The following DPYD variants were observed in gnomAD, a reference collection of about 807,000 sequenced individuals.
The protein encoded by DPYD is dihydropyrimidine dehydrogenase.
A neutral mutation model predicts 116.2 loss-of-function variants in DPYD; 109 were observed. The ratio of observed to expected loss-of-function variants is 0.94; its 90% confidence interval spans 0.80 to 1.10. The LOEUF is 1.10. DPYD is among the 50% of genes least tolerant of loss of function. DPYD has a pLI of 0.00. For synonymous variants in DPYD, 440 were observed against 432.0 expected (o/e 1.02, Z -0.23); for missense variants, 1,302 against 1,254.5 (o/e 1.04, Z -0.57).
At chr1:97,360,567 C>A (rs1670668053) in intron 16 of DPYD, among the ~76,000 whole-genome samples, 1 of 152,194 alleles carries the variant, frequency 6.6e-6, no homozygotes, top group Admixed American at 6.5e-5. Flanking sequence ...AAGCACTCCT[C>A]AGCAAATGGA....
intron 8 of DPYD, among the ~76,000 whole-genome samples, chr1:97,595,598 G>T (rs1045827407): frequency 2.1e-4 from 31 of 150,738 alleles, no homozygotes; most frequent in Non-Finnish European, 3.6e-4. Flanking sequence ...TTTAATGAAA[G>T]AAAAAAATTA....
At chr1:97,533,416 C>T (rs1649781096) in intron 12 of DPYD, among the ~76,000 whole-genome samples, 1 of 152,102 alleles carries the variant, frequency 6.6e-6, no homozygotes, top group African/African-American at 2.4e-5. Flanking sequence ...TAATAAATAA[C>T]ATGTTGACAA....
At chr1:97,543,547 TG>T (rs1269372387) in intron 12 of DPYD, among the ~76,000 whole-genome samples, 3 of 152,220 alleles carry the variant, frequency 2.0e-5, no homozygotes, top group Non-Finnish European at 4.4e-5. Context: ...AGCTATTCAA[TG>T]TTACCTTTTC....
At chr1:97,572,929 T>C (rs1042439696) in intron 11 of DPYD, among the ~76,000 whole-genome samples, 6 of 152,026 alleles carry the variant, frequency 3.9e-5, no homozygotes, top group Non-Finnish European at 7.4e-5. Context: ...TAGGAAGTCA[T>C]AGGAATCATC....
rs566552436 is a variant in DPYD at position 97,411,749 on chromosome 1, G to A, written c.1906-29288C>T. 7.2e-5 allele frequency among the ~76,000 whole-genome samples: 11 copies of A among 152,264 alleles called. No homozygotes were observed. In the South Asian group the frequency reaches 1.7e-3, roughly 23 times the overall value. Reference sequence around the variant, plus strand: ...CAGTTCAAAATGTTTCTTCTCAGAAGCATGACAAAGTGATTTAGAGTAGAA... The same window carrying A: ...CAGTTCAAAATGTTTCTTCTCAGAAACATGACAAAGTGATTTAGAGTAGAA... On this transcript the variant is annotated intron_variant, in intron 14 of 22. Coordinates refer to ENST00000370192, the MANE Select transcript of DPYD (RefSeq NM_000110.4).
intron 14 of DPYD, among the ~76,000 whole-genome samples, chr1:97,448,875 T>A (rs187590872): frequency 3.9e-5 from 6 of 152,208 alleles, no homozygotes; most frequent in Non-Finnish European, 7.4e-5. Flanking sequence ...CCTATGTGCA[T>A]GTATTTTATT....
intron 12 of DPYD, among the ~76,000 whole-genome samples, chr1:97,538,427 T>C (rs1650181544): frequency 6.6e-6 from 1 of 152,170 alleles, no homozygotes; most frequent in South Asian, 2.1e-4. Context: ...AGATTTGAAC[T>C]AGTGACCAAG....
rs185855841 is a variant in DPYD, at chr1:97,815,583, C to T, written c.233+12531G>A. On this transcript the variant is annotated intron_variant, in intron 3 of 22. Coordinates refer to ENST00000370192, the MANE Select transcript of DPYD (RefSeq NM_000110.4). ...CAGATTTGGCAACACAGAGCACTCT[C>T]ACTGAACAGACAGCAAGAGATGTCC... is the stretch of plus-strand genomic sequence containing the variant. Among the ~76,000 whole-genome samples, 494 of 152,284 alleles carry T rather than the reference C, an allele frequency of 3.2e-3. 3 individuals carry two copies. The highest frequency in any genetic ancestry group is 5.0e-3 in the Non-Finnish European group (338 of 68,016).
chr1:97,264,687 C>T (rs1197349354), intron 18 of DPYD, among the ~76,000 whole-genome samples: 1 of 152,070 alleles, frequency 6.6e-6, no homozygotes, highest in Non-Finnish European at 1.5e-5. Flanking sequence ...TTCACAATTA[C>T]CATATTTTAT....
rs180718823 is a variant in DPYD, at chr1:97,275,723, C to A, written c.2299+29536G>T. Among the ~76,000 whole-genome samples the A allele has an allele frequency of 2.6e-5, 4 of 152,216 alleles. No individual in the cohort carries two copies. The East Asian group carries it at 7.7e-4, about 29-fold the overall frequency. On this transcript the variant is annotated intron_variant, in intron 18 of 22. Coordinates refer to ENST00000370192, the MANE Select transcript of DPYD (RefSeq NM_000110.4). ...TAATAGTTTGCCAATTATTTATAAG[C>A]CTAAAACCTTGAAGATTAATTTATC... is the stretch of plus-strand genomic sequence containing the variant.
intron 3 of DPYD, among the ~76,000 whole-genome samples, chr1:97,762,719 CTT>C (rs531214598): frequency 5.3e-5 from 8 of 152,080 alleles, no homozygotes; most frequent in Middle Eastern, 3.4e-3. Context: ...ATATAATTGT[CTT>C]TTTTTCCCAA....
intron 19 of DPYD, among the ~76,000 whole-genome samples, chr1:97,226,836 C>T (rs1273374237): frequency 6.6e-6 from 1 of 152,056 alleles, no homozygotes; most frequent in Non-Finnish European, 1.5e-5. Context: ...TCCCTACAAA[C>T]ATTCCACTGG....
intron 13 of DPYD, among the ~76,000 whole-genome samples, chr1:97,483,015 T>A (rs1159771033): frequency 6.6e-6 from 1 of 152,218 alleles, no homozygotes; most frequent in Non-Finnish European, 1.5e-5. Context: ...CCAACTTAAA[T>A]GTTCTTTCAT....
intron 2 of DPYD, among the ~76,000 whole-genome samples, chr1:97,865,761 G>T (rs1336412689): frequency 1.3e-5 from 2 of 151,838 alleles, no homozygotes; most frequent in African/African-American, 4.8e-5. Context: ...AATTCTGATC[G>T]AACCATGCCC....
At chr1:97,862,361 G>A (rs1354060017) in intron 2 of DPYD, among the ~76,000 whole-genome samples, 1 of 151,630 alleles carries the variant, frequency 6.6e-6, no homozygotes, top group Non-Finnish European at 1.5e-5. Context: ...ACACTAAGGA[G>A]AAACAAGCCA....
chr1:97,287,650 A>C (rs1450118287), intron 18 of DPYD, among the ~76,000 whole-genome samples: 3 of 152,232 alleles, frequency 2.0e-5, no homozygotes, highest in East Asian at 3.9e-4. Context: ...CCCCTCCCCC[A>C]GCCTCGCTGC....
At chr1:97,869,172 C>A (rs1671540519) in intron 2 of DPYD, among the ~76,000 whole-genome samples, 1 of 151,742 alleles carries the variant, frequency 6.6e-6, no homozygotes, top group Non-Finnish European at 1.5e-5. Flanking sequence ...AGGAGAGAAT[C>A]TGATTTCCCC....
chr1:97,655,026 T>G (rs965369460), intron 8 of DPYD, among the ~76,000 whole-genome samples: 2 of 152,132 alleles, frequency 1.3e-5, no homozygotes, highest in African/African-American at 4.8e-5. Context: ...ATGATTCAAT[T>G]ATCTCCCACC....
chr1:97,472,972 T>C (rs1441867272), intron 13 of DPYD, among the ~76,000 whole-genome samples: 1 of 152,204 alleles, frequency 6.6e-6, no homozygotes, highest in Non-Finnish European at 1.5e-5. Context: ...CTTTGTTTTT[T>C]TGTGGTGAGA....
Sources: gnomAD v4.1 joint callset for allele counts (sites outside exome capture counted in the v4.1 genomes callset) on GRCh38, gnomAD v4.1.1 for gene constraint, MANE v1.5 for transcripts, NCBI Gene and HGNC (gene_info 2026-07-23, HGNC 2026-07-21) for gene names.